The following DOCK4 variants were observed in gnomAD, a reference collection of about 807,000 sequenced individuals.
The protein encoded by DOCK4 is dedicator of cytokinesis 4.
A neutral mutation model predicts 268.1 loss-of-function variants in DOCK4; 97 were observed. The observed-to-expected ratio is 0.36, with a 90% CI of 0.31 to 0.43. The LOEUF (loss-of-function observed/expected upper bound fraction) is 0.43, where lower values mean the gene tolerates loss of function less well. Ranked by LOEUF, DOCK4 falls within the 20% of genes least tolerant of loss-of-function variation. The pLI is 1.00. For synonymous variants in DOCK4, 954 were observed against 887.2 expected, an observed-to-expected ratio of 1.08 and a Z score of -1.34; for missense variants, 2,145 against 2,455.7, an observed-to-expected ratio of 0.87 and a Z score of 2.67.
intron 1 of DOCK4, among the ~76,000 whole-genome samples, chr7:112,097,422 T>A (rs912280397): frequency 1.3e-5 from 2 of 151,796 alleles, no homozygotes; most frequent in African/African-American, 4.8e-5. Flanking sequence ...TTTTTTTTTT[T>A]AAGTTAGCTG....
intron 1 of DOCK4, among the ~76,000 whole-genome samples, chr7:112,128,536 A>G (rs926752936): frequency 1.1e-4 from 17 of 152,250 alleles, no homozygotes; most frequent in Non-Finnish European, 2.2e-4. Flanking sequence ...TGTAGAAAGA[A>G]GTAGACATGG....
At chr7:111,991,961 CAAAAAAAAAA>C (rs60667093) in intron 5 of DOCK4, among the ~76,000 whole-genome samples, 4 of 50,914 alleles carry the variant, frequency 7.9e-5, no homozygotes, top group South Asian at 2.0e-3. Flanking sequence ...ACTCTGTCTC[CAAAAAAAAAA>C]AAAAAAAAAA....
intron 1 of DOCK4, among the ~76,000 whole-genome samples, chr7:112,072,372 C>T (rs1402132386): frequency 6.6e-6 from 1 of 152,138 alleles, no homozygotes; most frequent in East Asian, 1.9e-4. Context: ...ATCCTTAATC[C>T]CTTATCTGAT....
rs552359859 is a variant in DOCK4, at chr7:111,758,604, T to C, written c.4329+20A>G. ...GCAGTCTATCTGAGGAGTTAGCATG[T>C]AATAAGAATTGCATGGTACCTTGAA... On this transcript the variant is annotated intron_variant, in intron 41 of 52. Transcript: ENST00000428084. 11 of 1,612,532 alleles carry C rather than the reference T, an allele frequency of 6.8e-6. No homozygotes were observed. In the South Asian group the frequency reaches 1.2e-4, roughly 18 times the overall value.
intron 1 of DOCK4, among the ~76,000 whole-genome samples, chr7:112,018,724 A>G (rs1349920760): frequency 3.9e-5 from 6 of 151,956 alleles, no homozygotes; most frequent in Non-Finnish European, 8.8e-5. Context: ...ATGGAAATCA[A>G]AATCCCTATG....
intron 30 of DOCK4, among the ~76,000 whole-genome samples, chr7:111,804,885 C>T (rs1363058250): frequency 6.6e-6 from 1 of 152,162 alleles, no homozygotes; most frequent in East Asian, 1.9e-4. Context: ...CAGGTGTCAG[C>T]CACTGCACCC....
At chr7:112,101,885 C>T (rs168947) in intron 1 of DOCK4, among the ~76,000 whole-genome samples, 47,460 of 150,624 alleles carry the variant, frequency 0.32, 8,066 homozygotes, top group Non-Finnish European at 0.38. Context: ...CTCTGTTGCC[C>T]AGGCTGGAGT....
intron 32 of DOCK4, 77 bp from the exon 33 acceptor site, chr7:111,784,200 T>A (rs921296978): frequency 4.9e-6 from 7 of 1,441,528 alleles, no homozygotes; most frequent in Non-Finnish European, 6.6e-6. Context: ...ATGCATATAA[T>A]CATATTTTCA....
intron 8 of DOCK4, chr7:111,971,622 C>G (rs1226502767): frequency 9.2e-6 from 2 of 216,518 alleles, no homozygotes; most frequent in East Asian, 1.5e-4. Context: ...AACAGGTAGT[C>G]TCTTAGTGGA....
chr7:111,863,153 C>T, intron 23 of DOCK4: 1 of 553,508 alleles, frequency 1.8e-6, no homozygotes, highest in African/African-American at 1.9e-5. Context: ...ACATAAAAAA[C>T]AATAATGTAA....
intron 1 of DOCK4, among the ~76,000 whole-genome samples, chr7:112,047,404 A>C (rs1190346624): frequency 6.6e-6 from 1 of 152,206 alleles, no homozygotes; most frequent in East Asian, 1.9e-4. Flanking sequence ...ACCAATCTAA[A>C]ATGACTCAGA....
At chr7:111,942,840 C>T (rs1340308327) in intron 10 of DOCK4, among the ~76,000 whole-genome samples, 2 of 152,212 alleles carry the variant, frequency 1.3e-5, no homozygotes, top group Non-Finnish European at 2.9e-5. Flanking sequence ...AGAACTCCTT[C>T]CCCTCCCCTG....
rs554152726 is a variant in DOCK4, at chr7:111,988,563, C to T, written c.464+452G>A. Among the ~76,000 whole-genome samples the T allele has an allele frequency of 3.9e-5, 6 of 152,300 alleles. No homozygotes were observed. In the East Asian group the frequency reaches 1.2e-3, roughly 29 times the overall value. On this transcript the variant is annotated intron_variant, in intron 6 of 52. Coordinates refer to ENST00000428084, the MANE Select transcript of DOCK4 (RefSeq NM_001363540.2). ...TCACAGCAATAATAAAAGGCCCCAC[C>T]AGTGCACCTGTCATAAGACTTTTCA...
intron 1 of DOCK4, among the ~76,000 whole-genome samples, chr7:112,073,082 G>A (rs527601997): frequency 7.7e-4 from 117 of 152,154 alleles, no homozygotes; most frequent in African/African-American, 2.8e-3. Flanking sequence ...TCTCTAGGTC[G>A]TCTGCTTGGC....
At chr7:111,782,665 A>C (rs562448777) in intron 35 of DOCK4, among the ~76,000 whole-genome samples, 199 bp downstream of exon 35, 66 of 152,246 alleles carry the variant, frequency 4.3e-4, no homozygotes, top group African/African-American at 1.6e-3. Context: ...TGCACCTTGT[A>C]ATGTCTGGGA....
chr7:111,840,793 A>T (rs1313217186), intron 25 of DOCK4: 6 of 1,320,976 alleles, frequency 4.5e-6, no homozygotes, highest in Non-Finnish European at 4.0e-6. Context: ...GCACTTTTCC[A>T]TATGTGTCTG....
chr7:111,983,141 T>C (rs1387007170), intron 7 of DOCK4, among the ~76,000 whole-genome samples: 1 of 152,162 alleles, frequency 6.6e-6, no homozygotes, highest in Non-Finnish European at 1.5e-5. Context: ...TGATTCCAAC[T>C]GACACAATGA....
intron 8 of DOCK4, among the ~76,000 whole-genome samples, chr7:111,948,247 C>T (rs573564987): frequency 6.6e-6 from 1 of 152,124 alleles, no homozygotes; most frequent in Admixed American, 6.5e-5. Flanking sequence ...GGGAAAACTG[C>T]GAAATAGTAA....
intron 1 of DOCK4, among the ~76,000 whole-genome samples, chr7:112,026,995 C>A (rs1802857919): frequency 6.6e-6 from 1 of 152,076 alleles, no homozygotes; most frequent in African/African-American, 2.4e-5. Context: ...CTCGGCTGGG[C>A]CAGGTAAGGA....
Sources: allele counts gnomAD v4.1 joint callset (sites outside exome capture counted in the v4.1 genomes callset), GRCh38; gene constraint gnomAD v4.1.1; transcripts MANE v1.5; gene names NCBI Gene and HGNC (gene_info 2026-07-23, HGNC 2026-07-21).